The following DYNC2H1 variants were observed in gnomAD, a reference collection of about 807,000 sequenced individuals.
DYNC2H1 encodes dynein cytoplasmic 2 heavy chain 1.
Under a neutral mutation model 570.0 loss-of-function variants are expected in DYNC2H1, and 410 were observed. The ratio of observed to expected loss-of-function variants is 0.72; its 90% CI spans 0.66 to 0.78. The LOEUF is 0.78. DYNC2H1 is among the 30% of genes least tolerant of loss of function. The pLI is 0.00. For missense variants in DYNC2H1, 4,865 were observed against 5,046.4 expected (o/e 0.96, Z 1.09); for synonymous variants, 1,688 against 1,677.6 (o/e 1.01, Z -0.15).
In DYNC2H1 at chr11:103,189,001, AAG is replaced by A. The variant is rs1188304419; in HGVS notation, c.7292+357_7292+358del. Reference sequence around the variant, plus strand: ...CCATCAAATTTATGAAGATAACAAAAAGAGAATTTCAATCTGAACAAGGGAGA... The same window carrying A: ...CCATCAAATTTATGAAGATAACAAAAAGAATTTCAATCTGAACAAGGGAGA... On this transcript the variant is annotated intron_variant, in intron 44 of 88. Transcript: ENST00000375735. This position sits in a 1 kb window ranked among gnomAD's most constrained non-coding sequence, Gnocchi z 4.3. Among the ~76,000 whole-genome samples, 5 of 152,070 alleles carry A rather than the reference AAG, an allele frequency of 3.3e-5. No homozygotes were observed. Among genetic ancestry groups the A allele is most frequent in the Non-Finnish European group, 5.9e-5 (4 of 67,980 alleles).
At chr11:103,420,284 A>T (rs907721450) in intron 84 of DYNC2H1, among the ~76,000 whole-genome samples, 1 of 152,122 alleles carries the variant, frequency 6.6e-6, no homozygotes, top group Non-Finnish European at 1.5e-5. Flanking sequence ...AATTCAAGAA[A>T]TGTAGAGAAC....
intron 17 of DYNC2H1, among the ~76,000 whole-genome samples, chr11:103,139,803 T>A (rs1232014100): frequency 6.6e-6 from 1 of 152,108 alleles, no homozygotes; most frequent in African/African-American, 2.4e-5. Flanking sequence ...CTGTCTAATG[T>A]TGACAGTGGG....
intron 54 of DYNC2H1, among the ~76,000 whole-genome samples, chr11:103,214,820 T>C (rs191678958): frequency 5.3e-5 from 8 of 151,908 alleles, no homozygotes; most frequent in Non-Finnish European, 1.0e-4. Context: ...CTTTTTCAAT[T>C]TCTTTCATTG....
intron 63 of DYNC2H1, among the ~76,000 whole-genome samples, chr11:103,236,916 A>G (rs2135202764): frequency 6.6e-6 from 1 of 152,104 alleles, no homozygotes; most frequent in East Asian, 1.9e-4. Flanking sequence ...TGCCAAACAA[A>G]ATTAGCAAAA....
At chr11:103,119,363 G>A (rs1294170118) in intron 6 of DYNC2H1, among the ~76,000 whole-genome samples, 2 of 151,278 alleles carry the variant, frequency 1.3e-5, no homozygotes, top group African/African-American at 4.9e-5. Context: ...TTTTTGAGAT[G>A]GAATCTCGAT....
chr11:103,180,869 A>AT (rs1245318187), intron 39 of DYNC2H1, among the ~76,000 whole-genome samples: 1 of 151,444 alleles, frequency 6.6e-6, no homozygotes, highest in East Asian at 1.9e-4. Context: ...TGATATTTCA[A>AT]TTTTTTTCAT....
chr11:103,420,134 A>G (rs1239911284), intron 84 of DYNC2H1, among the ~76,000 whole-genome samples: 2 of 152,064 alleles, frequency 1.3e-5, no homozygotes, highest in Non-Finnish European at 2.9e-5. Flanking sequence ...ATATGGGGCT[A>G]TGTAAAGAGA....
chr11:103,233,830 ATGTGTGTGTGTGTGTGTGTG>A (rs745355739), intron 60 of DYNC2H1, among the ~76,000 whole-genome samples, 184 bp from the exon 61 acceptor site: 3 of 75,840 alleles, frequency 4.0e-5, no homozygotes, highest in Admixed American at 1.7e-4. Flanking sequence ...GCTACACTTT[ATGTGTGTGTGTGTGTGTGTG>A]TGTGTGTGTG....
At chr11:103,194,229 G>A (rs1028223708) in intron 47 of DYNC2H1, among the ~76,000 whole-genome samples, 3 of 152,120 alleles carry the variant, frequency 2.0e-5, no homozygotes, top group Admixed American at 2.0e-4. Flanking sequence ...GGAGATACAT[G>A]CCGATTGTTT....
chr11:103,461,932 TA>T lies in DYNC2H1; in HGVS notation c.12648+5577del, dbSNP rs1414675020. On this transcript the variant is annotated intron_variant, in intron 87 of 88. Transcript: ENST00000375735. This position sits in a 1 kb window ranked among gnomAD's most constrained non-coding sequence, Gnocchi z 4.8. ...GGTTCTGAATGTGTTTCTTTAAAAA[TA>T]TTTTTTTTCTTAAATATAATGTATT... Among the ~76,000 whole-genome samples, 11 of 146,434 alleles carry T rather than the reference TA, an allele frequency of 7.5e-5. 1 individual carries two copies. The highest frequency in any genetic ancestry group is 5.0e-5 in the African/African-American group (2 of 39,834).
At chr11:103,435,633 A>T (rs1216769015) in intron 84 of DYNC2H1, among the ~76,000 whole-genome samples, 4 of 152,100 alleles carry the variant, frequency 2.6e-5, no homozygotes, top group Non-Finnish European at 4.4e-5. Flanking sequence ...ACCACTTATA[A>T]AATGAATTTG....
chr11:103,423,065 C>T (rs1020882128), intron 84 of DYNC2H1, among the ~76,000 whole-genome samples: 2 of 151,306 alleles, frequency 1.3e-5, no homozygotes, highest in Non-Finnish European at 3.0e-5. Flanking sequence ...TTTATGAAAA[C>T]GAGAAAAAAA....
intron 1 of DYNC2H1, among the ~76,000 whole-genome samples, chr11:103,111,367 G>A (rs979231575): frequency 2.0e-5 from 3 of 152,202 alleles, no homozygotes; most frequent in African/African-American, 7.2e-5. Context: ...TCATTTAATA[G>A]CCATAACGAC....
At position 103,204,811 on chromosome 11, in the gene DYNC2H1, A is replaced by G. The variant is rs749770515; in HGVS notation, c.8312-11A>G. 57 of 1,571,540 alleles carry G rather than the reference A, an allele frequency of 3.6e-5. No homozygotes were observed. Among genetic ancestry groups the G allele is most frequent in the South Asian group, 1.3e-4 (11 of 85,832 alleles). On this transcript the variant is annotated splice_polypyrimidine_tract_variant and intron_variant, in intron 51 of 88. Transcript: ENST00000375735. This position sits in a 1 kb window ranked among gnomAD's most constrained non-coding sequence, Gnocchi z 4.1. ...TGCCTGATTGTATTATTATTCTTAT[A>G]TATTTCTTAGGAATTCAGCAAAACT... is the stretch of plus-strand genomic sequence containing the variant.
rs2135449807 is a variant in DYNC2H1 at position 103,326,271 on chromosome 11, C to G, written c.12039+2281C>G. ...GGGAATAAAATCATCTCACCAGGGC[C>G]CCGTCCTTGGCTTTGAGTGAGCCTC... is the stretch of plus-strand genomic sequence containing the variant. On this transcript the variant is annotated intron_variant, in intron 82 of 88. Transcript: ENST00000375735. The surrounding 1 kb of genome is among the most constrained non-coding windows in gnomAD (Gnocchi z 6.1). 6.6e-6 allele frequency among the ~76,000 whole-genome samples: 1 copy of G among 152,156 alleles called. No homozygotes were observed. The highest frequency in any genetic ancestry group is 2.4e-5 in the African/African-American group (1 of 41,526).
intron 83 of DYNC2H1, among the ~76,000 whole-genome samples, chr11:103,375,955 A>G (rs534970438): frequency 6.6e-6 from 1 of 152,314 alleles, no homozygotes; most frequent in Non-Finnish European, 1.5e-5. Context: ...GTGTCTTTAC[A>G]CAAATCTCAT....
chr11:103,365,923 C>G (rs1308925161), intron 83 of DYNC2H1, among the ~76,000 whole-genome samples: 1 of 152,142 alleles, frequency 6.6e-6, no homozygotes, highest in African/African-American at 2.4e-5. Context: ...ACAAATGCTC[C>G]TTTTTTGTGA....
In DYNC2H1 at chr11:103,135,609, G is replaced by T; in HGVS notation, c.2320G>T (p.Glu774Ter). ...AGAAGCACTTAATGAGAATTTGCCA[G>T]AAATAAATATAGACTTAACTTACAA... ...GLEALNENLP[E>*]INIDLTYKQG... The change falls in exon 16 of 89, where the codon GAA (glutamate) becomes TAA (stop). Residue 774 changes from glutamate to a stop codon, truncating the protein, a stop_gained. Coordinates refer to ENST00000375735, the MANE Select transcript of DYNC2H1 (RefSeq NM_001377.3). LOFTEE classifies it high-confidence loss of function. 1 of 1,613,212 alleles carries T rather than the reference G, an allele frequency of 6.2e-7. No individual in the cohort carries two copies. Among genetic ancestry groups the T allele is most frequent in the Non-Finnish European group, 8.5e-7 (1 of 1,179,582 alleles).
At chr11:103,119,901 C>T (rs1329845187) in intron 6 of DYNC2H1, among the ~76,000 whole-genome samples, 1 of 152,162 alleles carries the variant, frequency 6.6e-6, no homozygotes, top group East Asian at 1.9e-4. Context: ...CTGAGATTTA[C>T]AACTCAAATA....
Sources: gnomAD v4.1 joint callset for allele counts (sites outside exome capture counted in the v4.1 genomes callset) on GRCh38, gnomAD v4.1.1 for gene constraint, Gnocchi (gnomAD v3.1) non-coding constraint, MANE v1.5 for transcripts, NCBI Gene and HGNC (gene_info 2026-07-23, HGNC 2026-07-21) for gene names.